Variants in MTUS1 observed in about 807,000 individuals in gnomAD.
The protein encoded by MTUS1 is microtubule-associated tumor suppressor 1.
MTUS1 carries 109 observed loss-of-function variants against 120.8 expected under a neutral mutation model. The observed-to-expected ratio is 0.90, with a 90% CI of 0.77 to 1.06. The LOEUF (loss-of-function observed/expected upper bound fraction) is 1.06, where lower values mean the gene tolerates loss of function less well. Ranked by LOEUF, MTUS1 falls within the 50% of genes least tolerant of loss-of-function variation. The probability of loss-of-function intolerance (pLI) is 0.00; values close to 1 mark genes in which losing one functional copy is unlikely to be tolerated. For missense variants in MTUS1, 2,210 were observed against 1,486.3 expected, an observed-to-expected ratio of 1.49 and a Z score of -8.01; for synonymous variants, 737 against 550.5, an observed-to-expected ratio of 1.34 and a Z score of -4.74.
chr8:17,798,248 CA>C (rs1229586101), intron 1 of MTUS1, among the ~76,000 whole-genome samples: 2 of 152,142 alleles, frequency 1.3e-5, no homozygotes, highest in Non-Finnish European at 2.9e-5. Flanking sequence ...TTCTCATCAA[CA>C]AATGCAATTA....
intron 3 of MTUS1, among the ~76,000 whole-genome samples, chr8:17,726,744 G>A (rs1044249324): frequency 6.6e-6 from 1 of 152,116 alleles, no homozygotes; most frequent in African/African-American, 2.4e-5. Context: ...GGAAGAACAG[G>A]AAAACAGATT....
At chr8:17,772,488 G>T (rs1028524796) in intron 1 of MTUS1, among the ~76,000 whole-genome samples, 1 of 152,030 alleles carries the variant, frequency 6.6e-6, no homozygotes, top group African/African-American at 2.4e-5. Context: ...TAATTATCTG[G>T]TCCTGCTTCC....
chr8:17,703,156 G>A (rs1013769167), intron 6 of MTUS1, among the ~76,000 whole-genome samples: 11 of 152,176 alleles, frequency 7.2e-5, no homozygotes, highest in African/African-American at 2.2e-4. Context: ...CTGCCTGCGC[G>A]GTCGGGCAGA....
chr8:17,649,596 T>C (rs1249800833), intron 13 of MTUS1, among the ~76,000 whole-genome samples: 1 of 152,234 alleles, frequency 6.6e-6, no homozygotes, highest in Non-Finnish European at 1.5e-5. Context: ...AATATAAGCC[T>C]GATTTGTTTG....
At chr8:17,704,644 G>A (rs1447870823) in intron 6 of MTUS1, among the ~76,000 whole-genome samples, 2 of 152,156 alleles carry the variant, frequency 1.3e-5, no homozygotes, top group East Asian at 3.9e-4. Flanking sequence ...ATTTGTGCCA[G>A]TACCATACTC....
chr8:17,789,326 C>T (rs562304184), intron 1 of MTUS1, among the ~76,000 whole-genome samples: 3 of 152,122 alleles, frequency 2.0e-5, no homozygotes, highest in Non-Finnish European at 2.9e-5. Context: ...CCACTGCCCC[C>T]GGCCACTTTT....
intron 3 of MTUS1, among the ~76,000 whole-genome samples, chr8:17,729,933 C>T (rs1243826261): frequency 7.2e-6 from 1 of 139,006 alleles, no homozygotes; most frequent in African/African-American, 2.7e-5. Context: ...TAGGGAAATG[C>T]AAATCACAAT....
At chr8:17,751,271 C>A (rs1016776057) in intron 2 of MTUS1, among the ~76,000 whole-genome samples, 1 of 152,094 alleles carries the variant, frequency 6.6e-6, no homozygotes, top group Admixed American at 6.5e-5. Flanking sequence ...TGCACTCCAT[C>A]CTGGGTGAGA....
intron 2 of MTUS1, among the ~76,000 whole-genome samples, chr8:17,750,365 T>C (rs1563318336): frequency 6.6e-6 from 1 of 152,202 alleles, no homozygotes. Flanking sequence ...AAAATCTTCT[T>C]TTAAAAAGCA....
At chr8:17,673,152 G>C (rs940052115) in intron 8 of MTUS1, among the ~76,000 whole-genome samples, 1 of 152,168 alleles carries the variant, frequency 6.6e-6, no homozygotes, top group African/African-American at 2.4e-5. Flanking sequence ...AAAGCAAGTT[G>C]GGTTGGTCAT....
At chr8:17,720,675 T>C (rs17506292) in intron 4 of MTUS1, among the ~76,000 whole-genome samples, 3,080 of 152,292 alleles carry the variant, frequency 0.02, 44 homozygotes, top group Non-Finnish European at 0.031. Flanking sequence ...CCCTTCTAAA[T>C]TGCACAATAG....
At chr8:17,718,140 A>G (rs929452998) in intron 4 of MTUS1, among the ~76,000 whole-genome samples, 4 of 152,152 alleles carry the variant, frequency 2.6e-5, no homozygotes, top group African/African-American at 9.7e-5. Context: ...GCTTTCCAGT[A>G]AACCCCAACT....
chr8:17,780,513 GAC>G (rs2050793611), intron 1 of MTUS1, among the ~76,000 whole-genome samples: 1 of 152,114 alleles, frequency 6.6e-6, no homozygotes, highest in African/African-American at 2.4e-5. Flanking sequence ...TTCAACAAAA[GAC>G]ACCATGAATA....
chr8:17,691,144 C>G (rs1816864178), intron 6 of MTUS1, among the ~76,000 whole-genome samples: 1 of 152,206 alleles, frequency 6.6e-6, no homozygotes, highest in Non-Finnish European at 1.5e-5. Flanking sequence ...GAATGCAACT[C>G]TAAACCGTAA....
intron 12 of MTUS1, among the ~76,000 whole-genome samples, chr8:17,651,414 TAC>T (rs1381195584): frequency 6.6e-6 from 1 of 152,166 alleles, no homozygotes; most frequent in African/African-American, 2.4e-5. Flanking sequence ...ACTTGGGCAT[TAC>T]ACAGTCTATG....
chr8:17,791,298 GAATT>G (rs1268761187), intron 1 of MTUS1, among the ~76,000 whole-genome samples: 1 of 152,086 alleles, frequency 6.6e-6, no homozygotes, highest in African/African-American at 2.4e-5. Context: ...CAAACATAGG[GAATT>G]AATATTTCAC....
At chr8:17,676,568 G>A in intron 7 of MTUS1, 2 of 557,778 alleles carry the variant, frequency 3.6e-6, no homozygotes, top group Non-Finnish European at 6.4e-6. Flanking sequence ...ATTACTTAAA[G>A]CCACAGCCTT....
chr8:17,704,879 T>C (rs1390814723), intron 6 of MTUS1, among the ~76,000 whole-genome samples: 15 of 152,230 alleles, frequency 9.9e-5, no homozygotes, highest in Admixed American at 9.2e-4. Flanking sequence ...GCTTCTATTA[T>C]AGAGTTGTCT....
At position 17,657,991 on chromosome 8, in the gene MTUS1, TACATATATAC is replaced by T. The variant is rs1379555361; in HGVS notation, c.2906-1936_2906-1927del. ...CATGCATATACATATACATATATAA[TACATATATAC>T]ACATATATACACTATATATATAGAC... On this transcript the variant is annotated intron_variant, in intron 8 of 14. Transcript: ENST00000693296. Among the ~76,000 whole-genome samples, 20 of 146,738 alleles carry T rather than the reference TACATATATAC, an allele frequency of 1.4e-4. No homozygotes were observed. In the South Asian group the frequency reaches 2.0e-3, roughly 14 times the overall value.
Sources: gnomAD v4.1 joint callset for allele counts (sites outside exome capture counted in the v4.1 genomes callset) on GRCh38, gnomAD v4.1.1 for gene constraint, MANE v1.5 for transcripts, NCBI Gene and HGNC (gene_info 2026-07-23, HGNC 2026-07-21) for gene names.